The following LONRF1 variants were observed in gnomAD, a reference collection of about 807,000 sequenced individuals.
The protein encoded by LONRF1 is LON peptidase N-terminal domain and RING finger protein 1.
A neutral mutation model predicts 85.8 loss-of-function variants in LONRF1; 37 were observed. The observed-to-expected ratio is 0.43, with a 90% confidence interval of 0.33 to 0.57. The LOEUF (loss-of-function observed/expected upper bound fraction) is 0.57, where lower values mean the gene tolerates loss of function less well. Ranked by LOEUF, LONRF1 falls within the 20% of genes least tolerant of loss-of-function variation. LONRF1 has a pLI of 0.04. For synonymous variants in LONRF1, 517 were observed against 390.1 expected (o/e 1.33, Z -3.83); for missense variants, 1,036 against 978.0 (o/e 1.06, Z -0.79).
At chr8:12,743,875 A>G (rs1315406311) in intron 1 of LONRF1, among the ~76,000 whole-genome samples, 1 of 152,144 alleles carries the variant, frequency 6.6e-6, no homozygotes, top group Non-Finnish European at 1.5e-5. Flanking sequence ...AATTCAAAAT[A>G]TATTTAATTT....
chr8:12,742,812 A>G (rs569893792), intron 2 of LONRF1, among the ~76,000 whole-genome samples: 103 of 152,046 alleles, frequency 6.8e-4, no homozygotes, highest in Non-Finnish European at 1.1e-3. Context: ...CACAACCTCA[A>G]TCTCCAGGGC....
At chr8:12,741,062 G>C in intron 2 of LONRF1, 66 bp from the exon 3 acceptor site, 1 of 1,574,946 alleles carries the variant, frequency 6.3e-7, no homozygotes, top group South Asian at 1.1e-5. Flanking sequence ...TCATTATCAA[G>C]TAAAGAAAAA....
chr8:12,736,821 T>C, intron 5 of LONRF1, 24 bp from the exon 6 acceptor site: 9 of 1,588,680 alleles, frequency 5.7e-6, no homozygotes, highest in Non-Finnish European at 7.7e-6. Flanking sequence ...GACATGGGGT[T>C]TTCTTCCTTA....
At chr8:12,732,787 G>A (rs114847348) in intron 7 of LONRF1, among the ~76,000 whole-genome samples, 1 of 152,140 alleles carries the variant, frequency 6.6e-6, no homozygotes, top group Non-Finnish European at 1.5e-5. Context: ...ATTGCTTAGG[G>A]TAGGGCCAGG....
intron 7 of LONRF1, among the ~76,000 whole-genome samples, chr8:12,735,032 C>G (rs1018389040): frequency 6.6e-6 from 1 of 152,030 alleles, no homozygotes; most frequent in Non-Finnish European, 1.5e-5. Context: ...ACTAACCATA[C>G]CCACTTTTGT....
In LONRF1 at chr8:12,743,029, C is replaced by A. The variant is rs761665701; in HGVS notation, c.840+135G>T. 9.1e-6 allele frequency: 6 copies of A among 658,602 alleles called. No homozygotes were observed. In the South Asian group the frequency reaches 1.0e-4, roughly 11 times the overall value. The allele number at this position is 658,602 out of a possible 1,614,324, so 40.8% of individuals were successfully genotyped here. On this transcript the variant is annotated intron_variant, in intron 2 of 11. Transcript: ENST00000398246. ...AAATGAGCCATTGCACCTAGGTGAA[C>A]CTATATTTCTAGAGCACTAGATATT...
At chr8:12,727,943 T>C (rs1314193875) in intron 10 of LONRF1, among the ~76,000 whole-genome samples, 1 of 152,222 alleles carries the variant, frequency 6.6e-6, no homozygotes, top group Non-Finnish European at 1.5e-5. Context: ...GCTTTAATCA[T>C]TTTTGTTACA....
Position 12,754,836 on chromosome 8 carries a change from G to A in LONRF1, c.585C>T (p.Val195=). 2.7e-6 allele frequency: 4 copies of A among 1,494,494 alleles called. No homozygotes were observed. Among genetic ancestry groups the A allele is most frequent in the South Asian group, 2.5e-5 (2 of 79,798 alleles). 92.6% of individuals were successfully genotyped at this position (1,494,494 alleles called of 1,614,324 possible). A position where few individuals can be genotyped will look rare whatever the true frequency, so the allele number is the denominator to read the frequency against. ...AIAASDFRTS[V]VLNHLAEKWF... Reference sequence around the variant, plus strand: ...ACTTCTCGGCCAGGTGGTTGAGGACGACGCTGGTTCTGAAGTCTGAAGCGG... The same window carrying A: ...ACTTCTCGGCCAGGTGGTTGAGGACAACGCTGGTTCTGAAGTCTGAAGCGG... The change falls in exon 1 of 12, where the codon GTC becomes GTT. Residue 195 remains valine, a synonymous_variant. Transcript: ENST00000398246.
chr8:12,735,674 A>C (rs906370759), intron 6 of LONRF1: 20 of 307,526 alleles, frequency 6.5e-5, no homozygotes, highest in Middle Eastern at 9.3e-4. Context: ...TATGGCTACT[A>C]ATCACTTGAA....
At chr8:12,736,163 G>C (rs1165605982) in intron 6 of LONRF1, among the ~76,000 whole-genome samples, 1 of 152,056 alleles carries the variant, frequency 6.6e-6, no homozygotes, top group Non-Finnish European at 1.5e-5. Context: ...GACCCCGTAT[G>C]AATCTTTTGA....
At chr8:12,737,539 A>T (rs894861496) in intron 4 of LONRF1, among the ~76,000 whole-genome samples, 2 of 152,130 alleles carry the variant, frequency 1.3e-5, no homozygotes, top group Non-Finnish European at 2.9e-5. Context: ...TTATATGCAA[A>T]TACTGTGCCA....
intron 5 of LONRF1, 30 bp from the exon 6 acceptor site, chr8:12,736,827 C>A (rs1798734599): frequency 6.3e-7 from 1 of 1,586,016 alleles, no homozygotes; most frequent in Non-Finnish European, 8.6e-7. Context: ...GGGTTTTCTT[C>A]CTTAGGAAAA....
chr8:12,739,675 C>A (rs1798854855), intron 3 of LONRF1, among the ~76,000 whole-genome samples: 2 of 152,100 alleles, frequency 1.3e-5, no homozygotes, highest in Admixed American at 1.3e-4. Context: ...TATTCTAAAG[C>A]ATTATTTGTT....
intron 4 of LONRF1, 97 bp downstream of exon 4, chr8:12,737,898 T>C (rs560303003): frequency 8.0e-7 from 1 of 1,250,760 alleles, no homozygotes; most frequent in Non-Finnish European, 1.1e-6. Flanking sequence ...TAAAAGTACT[T>C]AAGTAGGTGC....
chr8:12,728,332 C>T (rs1798398738), intron 10 of LONRF1, among the ~76,000 whole-genome samples: 1 of 152,154 alleles, frequency 6.6e-6, no homozygotes, highest in South Asian at 2.1e-4. Flanking sequence ...CCAACATGTA[C>T]ACTGGCAGTG....
intron 8 of LONRF1, among the ~76,000 whole-genome samples, chr8:12,730,108 G>T (rs772032747): frequency 2.0e-4 from 30 of 152,184 alleles, no homozygotes; most frequent in Non-Finnish European, 3.2e-4. Flanking sequence ...TAGCAATGTG[G>T]ATAGTAACCA....
rs759517191 is a variant in LONRF1, at chr8:12,754,880, G to A, written c.541C>T (p.Pro181Ser). 6.7e-7 allele frequency: 1 copy of A among 1,494,128 alleles called. No individual in the cohort carries two copies. The highest frequency in any genetic ancestry group is 8.9e-7 in the Non-Finnish European group (1 of 1,126,744). The allele number at this position is 1,494,128 out of a possible 1,614,324, so 92.6% of individuals were successfully genotyped here. Residue 181 changes from proline (P) to serine (S), a missense_variant, in exon 1 of 12, where the codon CCT (proline) becomes TCT (serine). Physicochemically the swap from Pro to Ser is moderately conservative, Grantham distance 74. Coordinates refer to ENST00000398246, the MANE Select transcript of LONRF1 (RefSeq NM_152271.5). ...GAAGCGGCGATGGCGGCGGCCAGAG[G>A]CGGCGGCCGCGGGGCGGTCCCTTCA... ...DAEGTAPRPP[P>S]LAAAIAASDF...
At chr8:12,741,815 T>G (rs1798944037) in intron 2 of LONRF1, among the ~76,000 whole-genome samples, 1 of 152,230 alleles carries the variant, frequency 6.6e-6, no homozygotes, top group Non-Finnish European at 1.5e-5. Flanking sequence ...ATCCCTTATT[T>G]TGTCTTTCAC....
At chr8:12,750,688 T>C (rs1409149176) in intron 1 of LONRF1, among the ~76,000 whole-genome samples, 1 of 152,228 alleles carries the variant, frequency 6.6e-6, no homozygotes, top group Non-Finnish European at 1.5e-5. Context: ...TATTTACCTA[T>C]AATTTGACTG....
Sources: allele counts gnomAD v4.1 joint callset (sites outside exome capture counted in the v4.1 genomes callset), GRCh38; gene constraint gnomAD v4.1.1; transcripts MANE v1.5; gene names NCBI Gene and HGNC (gene_info 2026-07-23, HGNC 2026-07-21).